Variants in AKAP13 observed in about 807,000 individuals in gnomAD.
AKAP13 encodes the protein A-kinase anchoring protein 13.
Under a neutral mutation model 264.5 loss-of-function variants are expected in AKAP13, and 80 were observed. That is an observed-to-expected ratio of 0.30 (90% confidence interval 0.25 to 0.36). AKAP13 has a LOEUF of 0.36. Among genes scored for constraint, AKAP13 ranks in the 10% least tolerant of loss-of-function variants. AKAP13 has a pLI of 1.00. For synonymous variants in AKAP13, 1,380 were observed against 1,250.2 expected, an observed-to-expected ratio of 1.10 and a Z score of -2.19; for missense variants, 3,712 against 3,435.2, an observed-to-expected ratio of 1.08 and a Z score of -2.01.
chr15:85,687,599 C>T (rs116315591), intron 16 of AKAP13, among the ~76,000 whole-genome samples: 1,651 of 152,198 alleles, frequency 0.011, 19 homozygotes, highest in Middle Eastern at 0.041. Context: ...AATTTGTAAC[C>T]CTGAATTGTA....
intron 8 of AKAP13, among the ~76,000 whole-genome samples, chr15:85,635,887 G>C (rs2151463039): frequency 1.3e-5 from 2 of 152,272 alleles, no homozygotes; most frequent in Middle Eastern, 6.8e-3. Context: ...CCATATCTGT[G>C]AAGGTCTGTT....
intron 8 of AKAP13, among the ~76,000 whole-genome samples, chr15:85,622,956 A>G (rs1451672521): frequency 6.6e-6 from 1 of 152,198 alleles, no homozygotes; most frequent in Non-Finnish European, 1.5e-5. Context: ...AATTCCTTCT[A>G]CAATACTTAG....
chr15:85,742,003 C>G (rs1409066929), intron 35 of AKAP13, among the ~76,000 whole-genome samples: 1 of 151,990 alleles, frequency 6.6e-6, no homozygotes, highest in African/African-American at 2.4e-5. Flanking sequence ...CGAGATCTCG[C>G]CACTGCACTC....
intron 5 of AKAP13, among the ~76,000 whole-genome samples, chr15:85,560,172 TAATC>T (rs1194721023): frequency 1.2e-5 from 1 of 80,494 alleles, no homozygotes; most frequent in Non-Finnish European, 2.7e-5. Context: ...AAAAATAAAA[TAATC>T]AATTAATTCT....
chr15:85,648,451 C>T (rs983194133), intron 10 of AKAP13, among the ~76,000 whole-genome samples: 4 of 151,998 alleles, frequency 2.6e-5, no homozygotes, highest in African/African-American at 7.3e-5. Context: ...TTCTATATTT[C>T]GCCGTCTTAT....
At chr15:85,532,645 A>G (rs886826172) in intron 3 of AKAP13, among the ~76,000 whole-genome samples, 3 of 152,254 alleles carry the variant, frequency 2.0e-5, no homozygotes, top group African/African-American at 7.2e-5. Flanking sequence ...AATAGTGTTC[A>G]TTGTGATGAG....
intron 8 of AKAP13, among the ~76,000 whole-genome samples, chr15:85,625,759 C>A (rs530258383): frequency 6.6e-6 from 1 of 152,230 alleles, no homozygotes; most frequent in Non-Finnish European, 1.5e-5. Context: ...TTGTATCTGG[C>A]CTGTAGGAAG....
intron 1 of AKAP13, among the ~76,000 whole-genome samples, chr15:85,472,712 G>A (rs918058367): frequency 1.3e-5 from 2 of 151,956 alleles, no homozygotes; most frequent in African/African-American, 4.8e-5. Context: ...ATATAGGGGA[G>A]GAATAAAATT....
At chr15:85,647,760 AC>A (rs1168816763) in intron 10 of AKAP13, among the ~76,000 whole-genome samples, 4 of 152,072 alleles carry the variant, frequency 2.6e-5, no homozygotes, top group African/African-American at 9.7e-5. Flanking sequence ...CCTGGCTAAC[AC>A]GGTGAAACCC....
At chr15:85,441,177 A>G (rs1312743830) in intron 1 of AKAP13, among the ~76,000 whole-genome samples, 1 of 151,808 alleles carries the variant, frequency 6.6e-6, no homozygotes, top group East Asian at 1.9e-4. Flanking sequence ...TTTTCCACAC[A>G]TTTTGCCAAT....
intron 35 of AKAP13, 114 bp from the exon 36 acceptor site, chr15:85,743,378 A>AG: frequency 9.0e-7 from 1 of 1,111,454 alleles, no homozygotes; most frequent in Non-Finnish European, 1.3e-6. Context: ...GAGTTCGCAG[A>AG]GGTGGGTAAG....
At chr15:85,698,943 CAAAAAAA>C (rs10715702) in intron 17 of AKAP13, among the ~76,000 whole-genome samples, 3 of 72,834 alleles carry the variant, frequency 4.1e-5, no homozygotes, top group African/African-American at 6.3e-5. Context: ...GACCTTGTCT[CAAAAAAA>C]AAAAAAAAAA....
At chr15:85,662,649 A>G (rs61260430) in intron 12 of AKAP13, among the ~76,000 whole-genome samples, 2,706 of 152,322 alleles carry the variant, frequency 0.018, 82 homozygotes, top group African/African-American at 0.061. Flanking sequence ...GAGTCGGGTG[A>G]TGCATCCTGT....
rs2078131635 is a variant in AKAP13 at position 85,556,041 on chromosome 15, C to T, written c.662+12086C>T. ...TTGAAACTTTTTTAGAGGTAGGTTTCGTTGTGGGTAGTGGAAGGAGGCACA... is the reference window on the plus strand; with the variant it reads ...TTGAAACTTTTTTAGAGGTAGGTTTTGTTGTGGGTAGTGGAAGGAGGCACA... On this transcript the variant is annotated intron_variant, in intron 5 of 36. Transcript: ENST00000394518. Among the ~76,000 whole-genome samples, 3 of 152,116 alleles carry T rather than the reference C, an allele frequency of 2.0e-5. No homozygotes were observed. The South Asian group carries it at 6.2e-4, about 31-fold the overall frequency.
chr15:85,571,396 A>G (rs1463069688), intron 5 of AKAP13, among the ~76,000 whole-genome samples: 2 of 152,202 alleles, frequency 1.3e-5, no homozygotes, highest in Non-Finnish European at 2.9e-5. Flanking sequence ...TTTACCAATC[A>G]GCGCTTCAGT....
At chr15:85,572,173 G>A (rs1321835840) in intron 5 of AKAP13, among the ~76,000 whole-genome samples, 2 of 152,182 alleles carry the variant, frequency 1.3e-5, no homozygotes, top group Non-Finnish European at 2.9e-5. Flanking sequence ...TCCTGCCTTG[G>A]CAAACAGTGT....
At chr15:85,659,495 T>C (rs2083243153) in intron 12 of AKAP13, among the ~76,000 whole-genome samples, 1 of 143,048 alleles carries the variant, frequency 7.0e-6, no homozygotes, top group Admixed American at 7.0e-5. Flanking sequence ...AATTCAGATA[T>C]TCTCATGAAT....
chr15:85,457,439 A>G (rs575209628), intron 1 of AKAP13, among the ~76,000 whole-genome samples: 10 of 152,252 alleles, frequency 6.6e-5, no homozygotes, highest in East Asian at 1.9e-4. Context: ...GACACTTCCT[A>G]CCTTTCTTTT....
chr15:85,460,812 C>G (rs1026323901), intron 1 of AKAP13, among the ~76,000 whole-genome samples: 2 of 152,210 alleles, frequency 1.3e-5, no homozygotes, highest in African/African-American at 2.4e-5. Flanking sequence ...CAAGTGCCCA[C>G]TAGAAGCTGC....
Sources: gnomAD v4.1 joint callset for allele counts (sites outside exome capture counted in the v4.1 genomes callset) on GRCh38, gnomAD v4.1.1 for gene constraint, MANE v1.5 for transcripts, NCBI Gene and HGNC (gene_info 2026-07-23, HGNC 2026-07-21) for gene names.